PUM1: variants seen among roughly 807,000 people sequenced by gnomAD.
PUM1 encodes pumilio RNA binding family member 1.
In PUM1, 13 loss-of-function variants were observed where a neutral mutation model predicts 131.8. The observed-to-expected ratio is 0.10, with a 90% CI of 0.06 to 0.16. The LOEUF is 0.16. Ranked by LOEUF, PUM1 falls within the 10% of genes least tolerant of loss-of-function variation. The pLI, the probability that PUM1 is intolerant of heterozygous loss-of-function variation, is 1.00. For synonymous variants in PUM1, 509 were observed against 556.5 expected (o/e 0.91, Z 1.20); for missense variants, 961 against 1,512.4 (o/e 0.64, Z 6.05).
At chr1:31,031,726 T>C (rs940849230) in intron 2 of PUM1, among the ~76,000 whole-genome samples, 3 of 152,238 alleles carry the variant, frequency 2.0e-5, no homozygotes, top group Non-Finnish European at 4.4e-5. Context: ...GGTCTTGCCT[T>C]TGCTTTTCAC....
intron 7 of PUM1, among the ~76,000 whole-genome samples, chr1:30,991,484 A>T (rs1361615712): frequency 6.6e-6 from 1 of 152,232 alleles, no homozygotes; most frequent in Non-Finnish European, 1.5e-5. Flanking sequence ...ACAACACGGC[A>T]TAATAATCTC....
intron 21 of PUM1, 133 bp from the exon 22 acceptor site, chr1:30,933,475 CA>C (rs1639054787): frequency 1.5e-5 from 13 of 862,456 alleles, no homozygotes; most frequent in East Asian, 1.2e-4. Flanking sequence ...CACACACACA[CA>C]CACACACACC....
chr1:30,939,719 A>G (rs1280536457), intron 20 of PUM1, among the ~76,000 whole-genome samples: 2 of 152,168 alleles, frequency 1.3e-5, no homozygotes, highest in African/African-American at 4.8e-5. Context: ...GTAGCTGGAC[A>G]TGGTGGTGTG....
At chr1:31,002,600 A>T (rs1310803582) in intron 5 of PUM1, among the ~76,000 whole-genome samples, 3 of 152,152 alleles carry the variant, frequency 2.0e-5, no homozygotes, top group African/African-American at 7.2e-5. Flanking sequence ...TGATTTTGTA[A>T]CCACCCTGAA....
chr1:31,027,732 A>G (rs923563029), intron 3 of PUM1, among the ~76,000 whole-genome samples: 51 of 152,204 alleles, frequency 3.4e-4, no homozygotes, highest in African/African-American at 1.2e-3. Context: ...AAAGGCAATC[A>G]AGGAATATTT....
chr1:31,040,024 T>C (rs1355812788), intron 2 of PUM1, among the ~76,000 whole-genome samples: 2 of 152,132 alleles, frequency 1.3e-5, no homozygotes, highest in African/African-American at 4.8e-5. Context: ...ACAAAATACA[T>C]GAACTGTGTC....
chr1:31,006,839 C>T (rs533417986), intron 4 of PUM1, among the ~76,000 whole-genome samples, 155 bp downstream of exon 4: 4 of 152,172 alleles, frequency 2.6e-5, no homozygotes, highest in Non-Finnish European at 5.9e-5. Context: ...TAATAAATTA[C>T]ATCATATAAG....
chr1:31,032,318 G>A (rs1179029505), intron 2 of PUM1, among the ~76,000 whole-genome samples: 2 of 152,182 alleles, frequency 1.3e-5, no homozygotes, highest in African/African-American at 4.8e-5. Flanking sequence ...ATCAAAAAAT[G>A]AAGGCACTGT....
Position 31,065,597 on chromosome 1 carries a change from G to C in PUM1, c.-12+19C>G. 1.3e-6 allele frequency: 2 copies of C among 1,544,436 alleles called. No individual in the cohort carries two copies. Among genetic ancestry groups the C allele is most frequent in the African/African-American group, 1.4e-5 (1 of 73,020 alleles). On this transcript the variant is annotated intron_variant, in intron 1 of 21. Transcript: ENST00000426105. ...GGGTCCGGAGCAGCGTTTGGGGCCG[G>C]TGGGGTGCGGATACTCACGGGCGGA...
At position 30,994,598 on chromosome 1, in the gene PUM1, A is replaced by C. The variant is rs533990137; in HGVS notation, c.887+456T>G. Among the ~76,000 whole-genome samples, 6 of 152,302 alleles carry C rather than the reference A, an allele frequency of 3.9e-5. No homozygotes were observed. The East Asian group carries it at 1.2e-3, about 29-fold the overall frequency. ...ATGATACCTGGTCCACCTACCTCAA[A>C]AAGAGCTCATGAGACTCAAATGAGA... is the stretch of plus-strand genomic sequence containing the variant. On this transcript the variant is annotated intron_variant, in intron 6 of 21. Coordinates refer to ENST00000426105, the MANE Select transcript of PUM1 (RefSeq NM_001020658.2).
intron 3 of PUM1, among the ~76,000 whole-genome samples, chr1:31,025,451 A>T (rs1009574722): frequency 6.6e-6 from 1 of 152,140 alleles, no homozygotes. Flanking sequence ...CCACAAAGAA[A>T]CCAAATAACT....
At chr1:31,009,266 GA>G (rs1243231576) in intron 3 of PUM1, among the ~76,000 whole-genome samples, 2 of 151,706 alleles carry the variant, frequency 1.3e-5, no homozygotes, top group Non-Finnish European at 2.9e-5. Flanking sequence ...TTAAAATTCT[GA>G]TTTTTTTTCT....
chr1:31,022,761 G>T (rs150408850), intron 3 of PUM1, among the ~76,000 whole-genome samples: 1 of 152,154 alleles, frequency 6.6e-6, no homozygotes, highest in Admixed American at 6.5e-5. Flanking sequence ...ACCACTTGGC[G>T]TGGTTAGCTG....
intron 5 of PUM1, among the ~76,000 whole-genome samples, chr1:30,996,765 G>A (rs1362428400): frequency 3.3e-5 from 5 of 152,200 alleles, no homozygotes; most frequent in Non-Finnish European, 5.9e-5. Flanking sequence ...AGCAGAGATA[G>A]GAATATGATA....
intron 2 of PUM1, among the ~76,000 whole-genome samples, chr1:31,041,526 T>C (rs1472127223): frequency 6.6e-6 from 1 of 152,152 alleles, no homozygotes; most frequent in Non-Finnish European, 1.5e-5. Context: ...GAACCTAGTG[T>C]GTAGTGTCTG....
chr1:30,992,326 A>C, intron 7 of PUM1, 64 bp downstream of exon 7: 1 of 1,564,486 alleles, frequency 6.4e-7, no homozygotes, highest in African/African-American at 1.4e-5. Flanking sequence ...CCCCATTCTT[A>C]ATTACTTGAA....
chr1:30,996,454 C>T (rs1259630762), intron 5 of PUM1, among the ~76,000 whole-genome samples: 2 of 152,218 alleles, frequency 1.3e-5, no homozygotes, highest in African/African-American at 4.8e-5. Flanking sequence ...TAAGAGATCA[C>T]TGGCCCAGAA....
At chr1:31,010,690 G>C (rs1032042092) in intron 3 of PUM1, among the ~76,000 whole-genome samples, 2 of 152,192 alleles carry the variant, frequency 1.3e-5, no homozygotes, top group African/African-American at 4.8e-5. Context: ...GATACCACAT[G>C]AGTGAGTTTG....
rs1164599482 is a variant in PUM1, at chr1:30,995,134, C to T, written c.807G>A (p.Leu269=). The part of the protein sequence containing the change: ...GTFDGDKLGD[L]KEEGDVMDKT... Reference sequence around the variant, plus strand: ...TGTCCATCACATCACCCTCCTCCTTCAAATCTCCTAGCTTATCTCCATCAA... The same window carrying T: ...TGTCCATCACATCACCCTCCTCCTTTAAATCTCCTAGCTTATCTCCATCAA... The change falls in exon 6 of 22, where the codon TTG becomes TTA. Residue 269 remains leucine, a synonymous_variant. Coordinates refer to ENST00000426105, the MANE Select transcript of PUM1 (RefSeq NM_001020658.2). The T allele has an allele frequency of 4.3e-6, 7 of 1,614,114 alleles. No homozygotes were observed. Among genetic ancestry groups the T allele is most frequent in the African/African-American group, 1.3e-5 (1 of 74,940 alleles).
Sources: gnomAD v4.1 joint callset for allele counts (sites outside exome capture counted in the v4.1 genomes callset) on GRCh38, gnomAD v4.1.1 for gene constraint, MANE v1.5 for transcripts, NCBI Gene and HGNC (gene_info 2026-07-23, HGNC 2026-07-21) for gene names.